The following ABCD3 variants were observed in gnomAD, a reference collection of about 807,000 sequenced individuals.
ABCD3 encodes ATP binding cassette subfamily D member 3.
Under a neutral mutation model 105.5 loss-of-function variants are expected in ABCD3, and 41 were observed. That is an observed-to-expected ratio of 0.39 (90% CI 0.30 to 0.50). ABCD3 has a LOEUF of 0.50. Among genes scored for constraint, ABCD3 ranks in the 20% least tolerant of loss-of-function variants. The pLI, the probability that ABCD3 is intolerant of heterozygous loss-of-function variation, is 0.84. For missense variants in ABCD3, 622 were observed against 806.3 expected (o/e 0.77, Z 2.77); for synonymous variants, 258 against 269.0 (o/e 0.96, Z 0.40).
intron 21 of ABCD3, among the ~76,000 whole-genome samples, chr1:94,511,087 C>T (rs1465957789): frequency 6.6e-6 from 1 of 151,836 alleles, no homozygotes; most frequent in African/African-American, 2.4e-5. Flanking sequence ...TTCCTAGTCT[C>T]GATGGTCTTT....
At chr1:94,409,651 T>C in the ABCD3 span, among the ~76,000 whole-genome samples, 2 of 152,224 alleles carry the variant, frequency 1.3e-5, no homozygotes, top group East Asian at 1.9e-4. Flanking sequence ...TGGCTTTTCA[T>C]AGCTTTTTAT....
At chr1:94,400,934 A>G in the ABCD3 span, among the ~76,000 whole-genome samples, 18 of 152,214 alleles carry the variant, frequency 1.2e-4, no homozygotes, top group African/African-American at 4.3e-4. Context: ...CAATCTGTTA[A>G]TGGATTCATG....
At chr1:94,453,759 T>G (rs1444906560) in intron 1 of ABCD3, among the ~76,000 whole-genome samples, 2 of 151,794 alleles carry the variant, frequency 1.3e-5, no homozygotes, top group African/African-American at 2.4e-5. Flanking sequence ...ATTTTTTGTG[T>G]TTTTGTACTC....
chr1:94,412,626 C>G, the ABCD3 span, among the ~76,000 whole-genome samples: 2 of 152,276 alleles, frequency 1.3e-5, no homozygotes, highest in Middle Eastern at 3.4e-3. Context: ...TCTGCAGAGT[C>G]AATTCCCTGG....
intron 2 of ABCD3, among the ~76,000 whole-genome samples, chr1:94,460,559 A>G (rs1212068369): frequency 1.3e-5 from 2 of 152,158 alleles, no homozygotes; most frequent in African/African-American, 2.4e-5. Flanking sequence ...ACCCTCATGG[A>G]GCTTACATTC....
chr1:94,502,164 G>A (rs1003614099), intron 20 of ABCD3, among the ~76,000 whole-genome samples: 2 of 152,060 alleles, frequency 1.3e-5, no homozygotes, highest in Non-Finnish European at 2.9e-5. Context: ...TTCTCTAACC[G>A]CTCTTCTGAG....
rs142892908 is a variant in ABCD3 at position 94,457,898 on chromosome 1, T to C, written c.111-709T>C. 5.3e-5 allele frequency among the ~76,000 whole-genome samples: 8 copies of C among 152,288 alleles called. No individual in the cohort carries two copies. In the East Asian group the frequency reaches 1.5e-3, roughly 29 times the overall value. On this transcript the variant is annotated intron_variant, in intron 1 of 22. Coordinates refer to ENST00000370214, the MANE Select transcript of ABCD3 (RefSeq NM_002858.4). The stretch of plus-strand genomic sequence containing the variant: ...CAGCTTCAGAGAAACCAGCCTGCAG[T>C]AGCTCCTGATAGCATGGAACTAGTT...
chr1:94,442,748 T>G (rs1765612), intron 1 of ABCD3, among the ~76,000 whole-genome samples: 2 of 152,240 alleles, frequency 1.3e-5, no homozygotes, highest in Non-Finnish European at 2.9e-5. Context: ...AAGTTATTTC[T>G]TGGGATAATA....
chr1:94,475,601 C>T lies in ABCD3; in HGVS notation c.504-13C>T, dbSNP rs371640115. 3 of 1,608,216 alleles carry T rather than the reference C, an allele frequency of 1.9e-6. No individual in the cohort carries two copies. Among genetic ancestry groups the T allele is most frequent in the East Asian group, 2.2e-5 (1 of 44,700 alleles). ...CACTTGTTTTAAAATCACTTTTCTT[C>T]TTGCTATTTTAGAGCTTTCACATAT... On this transcript the variant is annotated splice_polypyrimidine_tract_variant and intron_variant, in intron 6 of 22. Transcript: ENST00000370214.
chr1:94,459,969 T>C (rs1166028249), intron 2 of ABCD3, among the ~76,000 whole-genome samples: 2 of 152,228 alleles, frequency 1.3e-5, no homozygotes, highest in Non-Finnish European at 2.9e-5. Flanking sequence ...TAGTGTTCTT[T>C]GTATGCATAT....
At chr1:94,499,748 A>G in intron 20 of ABCD3, 134 bp downstream of exon 20, 3 of 1,124,690 alleles carry the variant, frequency 2.7e-6, no homozygotes, top group Non-Finnish European at 3.8e-6. Context: ...ATTATCATAA[A>G]AGTGCTTGAA....
intron 1 of ABCD3, among the ~76,000 whole-genome samples, chr1:94,451,352 A>G (rs1647246369): frequency 6.6e-6 from 1 of 152,214 alleles, no homozygotes; most frequent in South Asian, 2.1e-4. Flanking sequence ...ATTTAAAATT[A>G]CTTGTCAGAA....
intron 1 of ABCD3, chr1:94,455,948 T>C: frequency 1.4e-6 from 1 of 697,242 alleles, no homozygotes; most frequent in Non-Finnish European, 2.0e-6. Context: ...TTTTTTATTT[T>C]TATGTTGATA....
At position 94,469,663 on chromosome 1, in the gene ABCD3, C is replaced by CT. The variant is rs5776221; in HGVS notation, c.335+1676dup. The stretch of plus-strand genomic sequence containing the variant: ...GTTTTGTAGTTTCCAGTGTTCTTGC[C>CT]TTTTTTTTTTTTTTTTTTTTGAGAT... On this transcript the variant is annotated intron_variant, in intron 4 of 22. Coordinates refer to ENST00000370214, the MANE Select transcript of ABCD3 (RefSeq NM_002858.4). Among the ~76,000 whole-genome samples the CT allele has an allele frequency of 3.2e-3, 226 of 70,056 alleles. 8 individuals carry two copies. The highest frequency in any genetic ancestry group is 5.3e-3 in the African/African-American group (115 of 21,572). 46.0% of individuals were successfully genotyped at this position (70,056 alleles called of 152,430 possible).
the ABCD3 span, among the ~76,000 whole-genome samples, chr1:94,387,764 G>T: frequency 6.6e-6 from 1 of 152,158 alleles, no homozygotes; most frequent in Non-Finnish European, 1.5e-5. Flanking sequence ...TGCGACAAGG[G>T]TCTCTGAAGT....
intron 1 of ABCD3, among the ~76,000 whole-genome samples, chr1:94,428,077 T>TA (rs951849434): frequency 2.3e-4 from 35 of 152,068 alleles, no homozygotes; most frequent in African/African-American, 8.4e-4. Flanking sequence ...GTGTTTTGTT[T>TA]TTTTTTTTAT....
At chr1:94,409,604 T>TA in the ABCD3 span, among the ~76,000 whole-genome samples, 1 of 152,232 alleles carries the variant, frequency 6.6e-6, no homozygotes, top group African/African-American at 2.4e-5. Context: ...ATTACAACTT[T>TA]AAAAAATTAT....
intron 3 of ABCD3, among the ~76,000 whole-genome samples, chr1:94,466,849 G>A (rs552585848): frequency 1.3e-5 from 2 of 152,148 alleles, no homozygotes; most frequent in African/African-American, 4.8e-5. Context: ...TAGTAAGGGA[G>A]GTAGAAGGGG....
At chr1:94,391,332 GAGTA>G in the ABCD3 span, among the ~76,000 whole-genome samples, 1 of 152,178 alleles carries the variant, frequency 6.6e-6, no homozygotes, top group African/African-American at 2.4e-5. Context: ...AACCTAGTAA[GAGTA>G]AGTAACATTT....
Sources: allele counts gnomAD v4.1 joint callset (sites outside exome capture counted in the v4.1 genomes callset), GRCh38; gene constraint gnomAD v4.1.1; transcripts MANE v1.5; gene names NCBI Gene and HGNC (gene_info 2026-07-23, HGNC 2026-07-21).